ATP6V1B2: variants seen among roughly 807,000 people sequenced by gnomAD.
The protein encoded by ATP6V1B2 is ATPase H+ transporting V1 subunit B2.
A neutral mutation model predicts 66.7 loss-of-function variants in ATP6V1B2; 23 were observed. The observed-to-expected ratio is 0.34, with a 90% CI of 0.25 to 0.49. The LOEUF (loss-of-function observed/expected upper bound fraction) is 0.49, where lower values mean the gene tolerates loss of function less well. ATP6V1B2 is among the 20% of genes least tolerant of loss of function. ATP6V1B2 has a pLI of 0.99. For missense variants in ATP6V1B2, 478 were observed against 650.8 expected (o/e 0.73, Z 2.89); for synonymous variants, 278 against 236.7 (o/e 1.17, Z -1.60).
rs751961802 is a variant in ATP6V1B2 at position 20,211,630 on chromosome 8, ATTC to A, written c.604-17_604-15del. The A allele has an allele frequency of 3.8e-6, 6 of 1,579,636 alleles. No homozygotes were observed. Among genetic ancestry groups the A allele is most frequent in the African/African-American group, 2.7e-5 (2 of 72,978 alleles). On this transcript the variant is annotated intron_variant, in intron 6 of 13. Coordinates refer to ENST00000276390, the MANE Select transcript of ATP6V1B2 (RefSeq NM_001693.4). The stretch of plus-strand genomic sequence containing the variant: ...AAATGTTATTTTAGATTTCAACTGA[ATTC>A]TTCTACTTTGTTCATCAGATTGCAG...
chr8:20,221,419 T>C lies in ATP6V1B2; in HGVS notation c.*1017T>C, dbSNP rs1195219315. 6.6e-6 allele frequency: 1 copy of C among 152,604 alleles called. No homozygotes were observed. Among genetic ancestry groups the C allele is most frequent in the Non-Finnish European group, 1.5e-5 (1 of 68,058 alleles). The allele number at this position is 152,604 out of a possible 1,614,324, so 9.5% of individuals were successfully genotyped here. A position where few individuals can be genotyped will look rare whatever the true frequency, so the allele number is the denominator to read the frequency against. On this transcript the variant is annotated 3_prime_UTR_variant, in exon 14 of 14. Coordinates refer to ENST00000276390, the MANE Select transcript of ATP6V1B2 (RefSeq NM_001693.4). The stretch of plus-strand genomic sequence containing the variant: ...CACAAACGATAGCATTTCCAAGCTT[T>C]AGAGTTTTCTGAATTCCTGCGCCTT...
chr8:20,214,135 T>A (rs946630167), intron 9 of ATP6V1B2: 5 of 152,192 alleles, frequency 3.3e-5, no homozygotes, highest in African/African-American at 1.2e-4. Flanking sequence ...GAGTAGCACT[T>A]AGAAGTTGGA....
rs1204602479 is a variant in ATP6V1B2, at chr8:20,210,411, C to T, written c.357C>T (p.Leu119=). 1.2e-6 allele frequency: 2 copies of T among 1,613,564 alleles called. No individual in the cohort carries two copies. Among genetic ancestry groups the T allele is most frequent in the African/African-American group, 2.7e-5 (2 of 75,004 alleles). The part of the protein sequence containing the change: ...KTSCEFTGDI[L]RTPVSEDMLG... ...CCTGTGAGTTTACTGGGGATATTCT[C>T]CGAACACCGGTGTCTGAGGATATGC... The change falls in exon 4 of 14, where the codon CTC becomes CTT. Residue 119 remains leucine (L), a synonymous_variant. Coordinates refer to ENST00000276390, the MANE Select transcript of ATP6V1B2 (RefSeq NM_001693.4).
chr8:20,212,979 T>G lies in ATP6V1B2; in HGVS notation c.927+74T>G. ...CAGGGTTAACTTGTCACTTTGCAAG[T>G]TTTCATTCTTTATGGTTTTTTAATT... is the stretch of plus-strand genomic sequence containing the variant. On this transcript the variant is annotated intron_variant, in intron 9 of 13. Coordinates refer to ENST00000276390, the MANE Select transcript of ATP6V1B2 (RefSeq NM_001693.4). The G allele has an allele frequency of 1.9e-6, 3 of 1,574,854 alleles. No individual in the cohort carries two copies. In the South Asian group the frequency reaches 3.4e-5, roughly 18 times the overall value.
chr8:20,213,054 A>C (rs1000785987), intron 9 of ATP6V1B2, 149 bp downstream of exon 9: 22 of 1,132,184 alleles, frequency 1.9e-5, no homozygotes, highest in Non-Finnish European at 2.6e-5. Context: ...AAAGGAAACT[A>C]CTTCGTTTTT....
intron 13 of ATP6V1B2, 45 bp downstream of exon 13, chr8:20,218,327 A>G: frequency 6.3e-7 from 1 of 1,592,180 alleles, no homozygotes; most frequent in Non-Finnish European, 8.5e-7. Context: ...CTCATATGTA[A>G]TTTTGAAAAC....
intron 2 of ATP6V1B2, among the ~76,000 whole-genome samples, chr8:20,207,448 A>G (rs1421893360): frequency 6.6e-6 from 1 of 152,228 alleles, no homozygotes; most frequent in Non-Finnish European, 1.5e-5. Context: ...AAAAGGAAAC[A>G]TAAGTCTAAT....
At chr8:20,211,529 G>T in intron 6 of ATP6V1B2, 123 bp from the exon 7 acceptor site, 1 of 1,273,078 alleles carries the variant, frequency 7.9e-7, no homozygotes, top group Non-Finnish European at 1.1e-6. Context: ...TTTGTTGAAT[G>T]AATACCCTAA....
rs2072900156 is a variant in ATP6V1B2 at position 20,220,843 on chromosome 8, C to G, written c.*441C>G. The G allele has an allele frequency of 6.5e-6, 1 of 153,862 alleles. No homozygotes were observed. The highest frequency in any genetic ancestry group is 2.4e-5 in the African/African-American group (1 of 41,518). The allele number at this position is 153,862 out of a possible 1,614,324, so 9.5% of individuals were successfully genotyped here. On this transcript the variant is annotated 3_prime_UTR_variant, in exon 14 of 14. Transcript: ENST00000276390. ...TTTGAGAAGGGCCAAGAGGCTCTTTCCTGAGTGTTTGCTTTCGGTTTGTTG... is the reference window on the plus strand; with the variant it reads ...TTTGAGAAGGGCCAAGAGGCTCTTTGCTGAGTGTTTGCTTTCGGTTTGTTG...
At chr8:20,213,821 G>T (rs1383067022) in intron 9 of ATP6V1B2, 6 of 152,038 alleles carry the variant, frequency 3.9e-5, no homozygotes, top group Admixed American at 3.3e-4. Context: ...CTGCTATATT[G>T]CTGTTTCAGA....
In ATP6V1B2 at chr8:20,217,654, C is replaced by G. The variant is rs114393481; in HGVS notation, c.1266+330C>G. 7.9e-3 allele frequency among the ~76,000 whole-genome samples: 1,205 copies of G among 152,296 alleles called. 13 individuals are homozygous for G. The highest frequency in any genetic ancestry group is 0.027 in the African/African-American group (1,129 of 41,560). ...CCTGAAAGGCTACTCTGACCTATTT[C>G]TTGCTTAACATATTAAGCCGTCACC... On this transcript the variant is annotated intron_variant, in intron 12 of 13. Transcript: ENST00000276390.
Position 20,220,397 on chromosome 8 carries a change from C to T in ATP6V1B2, c.1531C>T (p.His511Tyr), listed in dbSNP as rs1348120215. 5.1e-6 allele frequency: 8 copies of T among 1,569,336 alleles called. No homozygotes were observed. Among genetic ancestry groups the T allele is most frequent in the Non-Finnish European group, 6.9e-6 (8 of 1,164,522 alleles). ...SEFYPRDSAK[H>Y] is the part of the protein sequence containing the mutation. ...ATTTTACCCTCGAGACTCTGCAAAG[C>T]ATTAGCTGCTGCTTCTGCATTGCTC... Residue 511 changes from histidine (H) to tyrosine (Y), a missense_variant, in exon 14 of 14, where the codon CAT becomes TAT. His to Tyr is a moderately conservative substitution (Grantham distance 83). Around this residue, in one of 2 missense-constraint regions of ATP6V1B2, gnomAD observed 326 missense variants for 545.6 expected, o/e 0.60. Coordinates refer to ENST00000276390, the MANE Select transcript of ATP6V1B2 (RefSeq NM_001693.4).
intron 1 of ATP6V1B2, among the ~76,000 whole-genome samples, chr8:20,202,784 G>A (rs1326246565): frequency 6.6e-6 from 1 of 152,144 alleles, no homozygotes; most frequent in Non-Finnish European, 1.5e-5. Context: ...TACTGATGTT[G>A]CATTTTATTC....
chr8:20,205,731 A>T (rs576215947), intron 2 of ATP6V1B2, among the ~76,000 whole-genome samples: 15 of 152,376 alleles, frequency 9.8e-5, no homozygotes, highest in African/African-American at 3.1e-4. Context: ...AAGAAGATGA[A>T]GCACTGCTGC....
chr8:20,206,106 A>G (rs1375632595), intron 2 of ATP6V1B2, among the ~76,000 whole-genome samples: 1 of 152,250 alleles, frequency 6.6e-6, no homozygotes, highest in Non-Finnish European at 1.5e-5. Context: ...CAGCAAATCA[A>G]GTACTTAGAA....
intron 4 of ATP6V1B2, 32 bp from the exon 5 acceptor site, chr8:20,210,537 C>T (rs770104107): frequency 3.5e-5 from 56 of 1,610,278 alleles, no homozygotes; most frequent in Admixed American, 1.7e-5. Flanking sequence ...AAGTCAGCAT[C>T]TACTCTGTCC....
intron 7 of ATP6V1B2, 109 bp from the exon 8 acceptor site, chr8:20,211,993 C>T (rs1034512702): frequency 7.6e-5 from 81 of 1,069,918 alleles, no homozygotes; most frequent in Non-Finnish European, 1.1e-4. Flanking sequence ...TTTTGGGGTA[C>T]TTGAGGTTTT....
chr8:20,215,649 G>C (rs2072847110), intron 10 of ATP6V1B2: 1 of 152,178 alleles, frequency 6.6e-6, no homozygotes, highest in African/African-American at 2.4e-5. Flanking sequence ...GGCACAGGGA[G>C]GTCAAATGAT....
chr8:20,219,818 G>T (rs1477560231), intron 13 of ATP6V1B2, among the ~76,000 whole-genome samples: 1 of 152,102 alleles, frequency 6.6e-6, no homozygotes, highest in African/African-American at 2.4e-5. Context: ...CTCTGGAGAG[G>T]GTTGCATGTA....
Sources: allele counts gnomAD v4.1 joint callset (sites outside exome capture counted in the v4.1 genomes callset), GRCh38; gene constraint gnomAD v4.1.1; regional missense constraint gnomAD v4.1.1; transcripts MANE v1.5; gene names NCBI Gene and HGNC (gene_info 2026-07-23, HGNC 2026-07-21).